Variants in PTPRN2 observed in about 807,000 individuals in gnomAD.
PTPRN2 encodes the protein protein tyrosine phosphatase receptor type N2, also known as receptor-type tyrosine-protein phosphatase N2.
A neutral mutation model predicts 118.8 loss-of-function variants in PTPRN2; 74 were observed. That is an observed-to-expected ratio of 0.62 (90% confidence interval 0.52 to 0.76). The LOEUF (loss-of-function observed/expected upper bound fraction) is 0.76, where lower values mean the gene tolerates loss of function less well. Among genes scored for constraint, PTPRN2 ranks in the 30% least tolerant of loss-of-function variants. The pLI, the probability that PTPRN2 is intolerant of heterozygous loss-of-function variation, is 0.00. For missense variants in PTPRN2, 1,481 were observed against 1,394.4 expected (o/e 1.06, Z -0.99); for synonymous variants, 641 against 608.0 (o/e 1.05, Z -0.80).
chr7:157,762,106 G>T lies in PTPRN2; in HGVS notation c.1789-79169C>A, dbSNP rs956306775. 8.6e-4 allele frequency among the ~76,000 whole-genome samples: 131 copies of T among 152,104 alleles called. 1 individual carries two copies. Among genetic ancestry groups the T allele is most frequent in the African/African-American group, 3.1e-3 (127 of 41,442 alleles). ...AAGTCAGGAAACAACAGGTGCTGGA[G>T]AGGGTGTGGAGAAATAGGAACACTT... is the stretch of plus-strand genomic sequence containing the variant. On this transcript the variant is annotated intron_variant, in intron 12 of 22. Coordinates refer to ENST00000389418, the MANE Select transcript of PTPRN2 (RefSeq NM_002847.5).
At position 157,801,058 on chromosome 7, in the gene PTPRN2, TATATATACACATATATATAC is replaced by T. The variant is rs1295345668; in HGVS notation, c.1788+97595_1788+97614del. Among the ~76,000 whole-genome samples the T allele has an allele frequency of 2.8e-5, 4 of 144,250 alleles. No homozygotes were observed. Among genetic ancestry groups the T allele is most frequent in the Non-Finnish European group, 6.2e-5 (4 of 64,662 alleles). 94.6% of individuals were successfully genotyped at this position (144,250 alleles called of 152,430 possible). ...ACATATATATACACATATATACACA[TATATATACACATATATATAC>T]ACACACACACACATATATATATGCA... On this transcript the variant is annotated intron_variant, in intron 12 of 22. Transcript: ENST00000389418. This position sits in a 1 kb window ranked among gnomAD's most constrained non-coding sequence, Gnocchi z 4.2.
chr7:158,400,296 G>A (rs1322050367), intron 2 of PTPRN2, among the ~76,000 whole-genome samples: 2 of 152,126 alleles, frequency 1.3e-5, no homozygotes, highest in African/African-American at 4.8e-5. Context: ...GGACAGGGCA[G>A]TCGTCATGCA....
rs867992838 is a variant in PTPRN2, at chr7:158,522,272, C to G, written c.113-32487G>C. Among the ~76,000 whole-genome samples the G allele has an allele frequency of 9.2e-3, 209 of 22,748 alleles. 5 individuals carry two copies. Among genetic ancestry groups the G allele is most frequent in the Middle Eastern group, 0.033 (1 of 30 alleles). The allele number at this position is 22,748 out of a possible 152,430, so 14.9% of individuals were successfully genotyped here. ...GTCACAATGGTGGACTGTCCAGGTGCTGGCTCGGGAGGGAGGTCCACGTCA... is the reference window on the plus strand; with the variant it reads ...GTCACAATGGTGGACTGTCCAGGTGGTGGCTCGGGAGGGAGGTCCACGTCA... On this transcript the variant is annotated intron_variant, in intron 1 of 22. Transcript: ENST00000389418.
chr7:157,712,751 CA>C (rs755055515), intron 12 of PTPRN2, among the ~76,000 whole-genome samples: 2,251 of 89,900 alleles, frequency 0.025, 116 homozygotes, highest in South Asian at 0.23. Flanking sequence ...AACTCCATCT[CA>C]AAAAAAAAAA....
intron 1 of PTPRN2, among the ~76,000 whole-genome samples, chr7:158,566,081 A>C (rs1827650158): frequency 6.6e-6 from 1 of 152,070 alleles, no homozygotes. Flanking sequence ...GGCCGGGCGC[A>C]GTGGCTAACA....
chr7:158,341,726 C>T (rs796413621), intron 2 of PTPRN2, among the ~76,000 whole-genome samples: 146 of 140,772 alleles, frequency 1.0e-3, no homozygotes, highest in African/African-American at 4.0e-3. Context: ...ATAGAGCTGA[C>T]GCCCGCAGAC....
chr7:158,336,964 C>T (rs1446986921), intron 2 of PTPRN2, among the ~76,000 whole-genome samples: 7 of 27,212 alleles, frequency 2.6e-4, no homozygotes, highest in African/African-American at 4.7e-4. Context: ...CTCACACTCT[C>T]ACCATAAGAG....
intron 21 of PTPRN2, among the ~76,000 whole-genome samples, chr7:157,566,766 G>T (rs1799506156): frequency 6.6e-6 from 1 of 152,234 alleles, no homozygotes; most frequent in Non-Finnish European, 1.5e-5. Context: ...CCGTACCGGG[G>T]TCTCGAACCC....
At chr7:158,399,004 G>C (rs994718398) in intron 2 of PTPRN2, among the ~76,000 whole-genome samples, 6 of 152,134 alleles carry the variant, frequency 3.9e-5, no homozygotes, top group Non-Finnish European at 5.9e-5. Context: ...AGTTATAAAT[G>C]TCTTATGTAT....
intron 13 of PTPRN2, among the ~76,000 whole-genome samples, chr7:157,677,159 A>C (rs1466794334): frequency 6.6e-6 from 1 of 152,124 alleles, no homozygotes; most frequent in Non-Finnish European, 1.5e-5. Context: ...CAGTTATTCG[A>C]GTCATACCCA....
chr7:158,586,497 G>A (rs1037454168), intron 1 of PTPRN2, among the ~76,000 whole-genome samples: 2 of 152,196 alleles, frequency 1.3e-5, no homozygotes, highest in Non-Finnish European at 2.9e-5. Flanking sequence ...CGTGGACACC[G>A]ATTATCCTAA....
At chr7:158,340,684 C>A (rs1214316095) in intron 2 of PTPRN2, among the ~76,000 whole-genome samples, 1 of 94,290 alleles carries the variant, frequency 1.1e-5, no homozygotes, top group South Asian at 4.1e-4. Flanking sequence ...ACACTCTCAC[C>A]ATAAGAGGTG....
intron 2 of PTPRN2, among the ~76,000 whole-genome samples, chr7:158,456,633 C>A (rs760345965): frequency 6.6e-6 from 1 of 152,296 alleles, no homozygotes; most frequent in Non-Finnish European, 1.5e-5. Flanking sequence ...CATGGCCACC[C>A]ATCACTCTGC....
At chr7:157,693,577 C>T (rs1276357254) in intron 12 of PTPRN2, among the ~76,000 whole-genome samples, 2 of 152,136 alleles carry the variant, frequency 1.3e-5, no homozygotes, top group East Asian at 3.9e-4. Flanking sequence ...AGCACAGGGG[C>T]GGGCGACGGC....
At chr7:157,714,270 T>G (rs1798794023) in intron 12 of PTPRN2, among the ~76,000 whole-genome samples, 1 of 152,218 alleles carries the variant, frequency 6.6e-6, no homozygotes, top group Non-Finnish European at 1.5e-5. Flanking sequence ...GATTAGTTCG[T>G]TTTACTGTCA....
intron 6 of PTPRN2, among the ~76,000 whole-genome samples, chr7:158,157,772 C>G (rs571970089): frequency 1.3e-5 from 2 of 152,250 alleles, no homozygotes; most frequent in Admixed American, 6.5e-5. Flanking sequence ...CGGGTGCCCT[C>G]TCCTGCGCCT....
intron 1 of PTPRN2, among the ~76,000 whole-genome samples, chr7:158,556,406 T>G (rs1384925983): frequency 6.6e-6 from 1 of 151,686 alleles, no homozygotes; most frequent in Non-Finnish European, 1.5e-5. Flanking sequence ...ATACAAAAAT[T>G]AGCCGGGCAT....
At chr7:157,952,324 ACGCC>A (rs1800866557) in intron 11 of PTPRN2, among the ~76,000 whole-genome samples, 7 of 149,032 alleles carry the variant, frequency 4.7e-5, no homozygotes, top group South Asian at 4.3e-4. Flanking sequence ...GGTAGTGTGC[ACGCC>A]TGAGACAGGG....
intron 6 of PTPRN2, among the ~76,000 whole-genome samples, chr7:158,144,919 G>A (rs183216963): frequency 3.9e-5 from 6 of 152,278 alleles, no homozygotes; most frequent in Admixed American, 1.3e-4. Context: ...TGAACAGCAA[G>A]CCACGTCTCC....
Sources: allele counts gnomAD v4.1 joint callset (sites outside exome capture counted in the v4.1 genomes callset), GRCh38; gene constraint gnomAD v4.1.1; non-coding constraint Gnocchi (gnomAD v3.1); transcripts MANE v1.5; gene names NCBI Gene and HGNC (gene_info 2026-07-23, HGNC 2026-07-21).